The following CDK18 variants were observed in gnomAD, a reference collection of about 807,000 sequenced individuals.
CDK18 encodes the protein cyclin-dependent kinase 18.
CDK18 carries 52 observed loss-of-function variants against 62.0 expected under a neutral mutation model. The ratio of observed to expected loss-of-function variants is 0.84; its 90% CI spans 0.67 to 1.06. The LOEUF (loss-of-function observed/expected upper bound fraction) is 1.06, where lower values mean the gene tolerates loss of function less well. CDK18 is among the 50% of genes least tolerant of loss of function. The pLI is 0.00. For missense variants in CDK18, 604 were observed against 619.9 expected (o/e 0.97, Z 0.27); for synonymous variants, 237 against 247.0 (o/e 0.96, Z 0.38).
chr1:205,506,030 G>T (rs1368747256), intron 1 of CDK18, among the ~76,000 whole-genome samples: 2 of 152,148 alleles, frequency 1.3e-5, no homozygotes, highest in South Asian at 2.1e-4. Flanking sequence ...TTCCCCACCC[G>T]GGCATGGGCA....
In CDK18 at chr1:205,527,840, G is replaced by T. The variant is rs754247037; in HGVS notation, c.776G>T (p.Arg259Leu). The change falls in exon 9 of 16, where the codon CGC becomes CTC. Residue 259 changes from arginine (R) to leucine (L), a missense_variant. Physicochemically the swap from Arg to Leu is moderately radical, Grantham distance 102. Coordinates refer to ENST00000429964, the MANE Select transcript of CDK18 (RefSeq NM_212502.3). This position sits in a 1 kb window ranked among gnomAD's most constrained non-coding sequence, Gnocchi z 4.1. ...LLRGLAYCHH[R>L]KILHRDLKPQ... Reference sequence around the variant, plus strand: ...CGGGGCCTCGCCTACTGTCACCACCGCAAGATCCTGCACCGGGACCTGAAG... The same window carrying T: ...CGGGGCCTCGCCTACTGTCACCACCTCAAGATCCTGCACCGGGACCTGAAG... The T allele has an allele frequency of 1.2e-6, 2 of 1,613,968 alleles. No individual in the cohort carries two copies. The highest frequency in any genetic ancestry group is 2.2e-5 in the South Asian group (2 of 91,068).
In CDK18 at chr1:205,529,546, C is replaced by A; in HGVS notation, c.1204C>A (p.Leu402Met). The change falls in exon 13 of 16, where the codon CTG becomes ATG. Residue 402 changes from leucine (L) to methionine (M), a missense_variant. Leu to Met is a conservative substitution (Grantham distance 15, BLOSUM62 2). Coordinates refer to ENST00000429964, the MANE Select transcript of CDK18 (RefSeq NM_212502.3). ...PRLDTDGIHLLSSLLLYESKS... is the reference protein window; with the variant it reads ...PRLDTDGIHLMSSLLLYESKS... ...GTTGGATACGGATGGCATCCACCTC[C>A]TGAGCAGCCTGCTCCTGGTGAGTGT... 6.2e-7 allele frequency: 1 copy of A among 1,613,040 alleles called. No individual in the cohort carries two copies. Among genetic ancestry groups the A allele is most frequent in the South Asian group, 1.1e-5 (1 of 90,964 alleles).
chr1:205,525,081 T>A, intron 4 of CDK18, 58 bp from the exon 5 acceptor site: 3 of 1,220,374 alleles, frequency 2.5e-6, no homozygotes, highest in Non-Finnish European at 3.6e-6. Context: ...GGAGGCGTCA[T>A]GTCTGTGGAG....
intron 13 of CDK18, 130 bp downstream of exon 13, chr1:205,529,693 T>G: frequency 6.4e-7 from 1 of 1,554,488 alleles, no homozygotes; most frequent in Non-Finnish European, 8.7e-7. Flanking sequence ...TCCCCTGTAC[T>G]CTCCACCCCC....
intron 11 of CDK18, 87 bp from the exon 12 acceptor site, chr1:205,529,237 C>T: frequency 7.1e-7 from 1 of 1,400,006 alleles, no homozygotes; most frequent in Non-Finnish European, 1.0e-6. Context: ...GCCATCTTTG[C>T]TCCCACCTCA....
At chr1:205,518,200 A>T (rs1241266394) in intron 1 of CDK18, among the ~76,000 whole-genome samples, 1 of 152,154 alleles carries the variant, frequency 6.6e-6, no homozygotes, top group East Asian at 1.9e-4. Flanking sequence ...TCCCTGCATG[A>T]ATTCCCATCA....
rs1668630519 is a variant in CDK18, at chr1:205,529,517, G to A, written c.1179-4G>A. The A allele has an allele frequency of 6.2e-7, 1 of 1,610,416 alleles. No individual in the cohort carries two copies. Among genetic ancestry groups the A allele is most frequent in the Non-Finnish European group, 8.5e-7 (1 of 1,177,768 alleles). ...CAGCCTGTGTCCGCGCCTTCTCCTT[G>A]CAGGTTGGATACGGATGGCATCCAC... is the stretch of plus-strand genomic sequence containing the variant. On this transcript the variant is annotated splice_polypyrimidine_tract_variant and splice_region_variant and intron_variant, in intron 12 of 15. Coordinates refer to ENST00000429964, the MANE Select transcript of CDK18 (RefSeq NM_212502.3).
At chr1:205,530,491 G>T (rs532447878) in intron 14 of CDK18, 137 bp from the exon 15 acceptor site, 110 of 1,189,490 alleles carry the variant, frequency 9.2e-5, no homozygotes, top group Non-Finnish European at 1.3e-4. Flanking sequence ...CCCTGCTGGG[G>T]TTCTCATTCC....
rs1424494002 is a variant in CDK18 at position 205,528,267 on chromosome 1, A to G, written c.974+99A>G. ...CAAGGGCCTCGGGGAAGAACTGCCT[A>G]ACTTCCTTTGCCTAAAAGCCTTGTG... On this transcript the variant is annotated intron_variant, in intron 10 of 15. Transcript: ENST00000429964. This position sits in a 1 kb window ranked among gnomAD's most constrained non-coding sequence, Gnocchi z 4.2. The G allele has an allele frequency of 9.1e-6, 13 of 1,427,222 alleles. No homozygotes were observed. Among genetic ancestry groups the G allele is most frequent in the African/African-American group, 1.4e-5 (1 of 70,446 alleles). 88.4% of individuals were successfully genotyped at this position (1,427,222 alleles called of 1,614,324 possible).
At chr1:205,525,084 C>A in intron 4 of CDK18, 55 bp from the exon 5 acceptor site, 2 of 1,266,426 alleles carry the variant, frequency 1.6e-6, no homozygotes, top group Non-Finnish European at 2.3e-6. Flanking sequence ...GGCGTCATGT[C>A]TGTGGAGCTG....
At chr1:205,522,098 G>C (rs1260013148) in intron 1 of CDK18, among the ~76,000 whole-genome samples, 1 of 152,230 alleles carries the variant, frequency 6.6e-6, no homozygotes, top group Non-Finnish European at 1.5e-5. Context: ...GGGGAGGTGA[G>C]ACAGCGCTGC....
rs749949240 is a variant in CDK18, at chr1:205,528,196, G to T, written c.974+28G>T. On this transcript the variant is annotated intron_variant, in intron 10 of 15. Coordinates refer to ENST00000429964, the MANE Select transcript of CDK18 (RefSeq NM_212502.3). This position sits in a 1 kb window ranked among gnomAD's most constrained non-coding sequence, Gnocchi z 4.2. Reference sequence around the variant, plus strand: ...GAGTGAGCACTGTGGGGACCGAGGAGGGGAGGACAGGCCTGGCCACACCTC... The same window carrying T: ...GAGTGAGCACTGTGGGGACCGAGGATGGGAGGACAGGCCTGGCCACACCTC... 6 of 1,611,530 alleles carry T rather than the reference G, an allele frequency of 3.7e-6. No homozygotes were observed. In the South Asian group the frequency reaches 6.6e-5, roughly 18 times the overall value.
Position 205,524,255 on chromosome 1 carries a change from G to A in CDK18, c.297G>A (p.Leu99=). 1 of 1,614,164 alleles carries A rather than the reference G, an allele frequency of 6.2e-7. No homozygotes were observed. Among genetic ancestry groups the A allele is most frequent in the South Asian group, 1.1e-5 (1 of 91,076 alleles). ...AGGACGTCAGCAAGAGGCTCTCTCT[G>A]CCCATGGATATCCGCCTGCCCCAGG... ...SMEDVSKRLS[L]PMDIRLPQEF... Residue 99 remains leucine (L), a synonymous_variant, in exon 4 of 16, where the codon CTG becomes CTA. Transcript: ENST00000429964.
intron 1 of CDK18, among the ~76,000 whole-genome samples, chr1:205,507,351 G>T (rs766961075): frequency 6.6e-6 from 1 of 152,078 alleles, no homozygotes; most frequent in Non-Finnish European, 1.5e-5. Flanking sequence ...TAAGATTTAG[G>T]CTGGGTGCGG....
intron 4 of CDK18, among the ~76,000 whole-genome samples, chr1:205,524,665 G>GTAA (rs1386429653): frequency 2.0e-5 from 3 of 152,188 alleles, no homozygotes; most frequent in African/African-American, 7.2e-5. Flanking sequence ...GAGCTGTTTG[G>GTAA]GACATCTTAC....
At chr1:205,529,742 CTG>C (rs1475465616) in intron 13 of CDK18, 179 bp downstream of exon 13, 6 of 1,534,526 alleles carry the variant, frequency 3.9e-6, no homozygotes, top group Non-Finnish European at 4.4e-6. Flanking sequence ...CCTCTGGAGT[CTG>C]TGCACTGCGA....
chr1:205,529,227 G>C lies in CDK18; in HGVS notation c.1073-97G>C. 3 of 1,363,684 alleles carry C rather than the reference G, an allele frequency of 2.2e-6. No homozygotes were observed. The South Asian group carries it at 3.9e-5, about 18-fold the overall frequency. 84.5% of individuals were successfully genotyped at this position (1,363,684 alleles called of 1,614,324 possible). A position where few individuals can be genotyped will look rare whatever the true frequency, so the allele number is the denominator to read the frequency against. ...CGGGCGGGGACCCCCTGTGGCCTCG[G>C]CCATCTTTGCTCCCACCTCATACAT... On this transcript the variant is annotated intron_variant, in intron 11 of 15. Transcript: ENST00000429964.
chr1:205,507,278 G>A (rs181097956), intron 1 of CDK18, among the ~76,000 whole-genome samples: 3 of 152,254 alleles, frequency 2.0e-5, no homozygotes, highest in Admixed American at 1.3e-4. Flanking sequence ...TAGCACACTC[G>A]TGAATTTCTC....
At chr1:205,510,835 G>A (rs190574195) in intron 1 of CDK18, among the ~76,000 whole-genome samples, 148 of 152,312 alleles carry the variant, frequency 9.7e-4, no homozygotes, top group Non-Finnish European at 1.8e-3. Context: ...CTGAGGCTCC[G>A]ACTTTTGCCT....
Sources: gnomAD v4.1 joint callset for allele counts (sites outside exome capture counted in the v4.1 genomes callset) on GRCh38, gnomAD v4.1.1 for gene constraint, Gnocchi (gnomAD v3.1) non-coding constraint, MANE v1.5 for transcripts, NCBI Gene and HGNC (gene_info 2026-07-23, HGNC 2026-07-21) for gene names.